CCDC93: variants seen among roughly 807,000 people sequenced by gnomAD.
The protein encoded by CCDC93 is CCC complex scaffolding subunit CCDC93.
CCDC93 carries 61 observed loss-of-function variants against 108.2 expected under a neutral mutation model. The observed-to-expected ratio is 0.56, with a 90% confidence interval of 0.46 to 0.70. The LOEUF (loss-of-function observed/expected upper bound fraction) is 0.70. Ranked by LOEUF, CCDC93 falls within the 30% of genes least tolerant of loss-of-function variation. The pLI is 0.00. For missense variants in CCDC93, 685 were observed against 764.2 expected (o/e 0.90, Z 1.22); for synonymous variants, 276 against 260.4 (o/e 1.06, Z -0.58).
chr2:117,973,598 T>C (rs754632303), intron 11 of CCDC93, among the ~76,000 whole-genome samples: 1 of 152,116 alleles, frequency 6.6e-6, no homozygotes, highest in Non-Finnish European at 1.5e-5. Context: ...ATAAGAGGCC[T>C]GATAGAAAAG....
At chr2:117,935,609 G>A (rs541685156) in intron 21 of CCDC93, 30 bp from the exon 22 acceptor site, 15 of 1,510,356 alleles carry the variant, frequency 9.9e-6, no homozygotes, top group Admixed American at 8.4e-5. Flanking sequence ...AGTTATGACC[G>A]GCACACAGGA....
chr2:117,920,153 C>T lies in CCDC93; in HGVS notation c.*190G>A. ...GGGTGTTATCCAAGCCACGTGTTTA[C>T]TGTCTGACTCCATCAACAGCAGCCA... On this transcript the variant is annotated 3_prime_UTR_variant, in exon 24 of 24. Transcript: ENST00000376300. 2.0e-6 allele frequency: 1 copy of T among 504,506 alleles called. No homozygotes were observed. The highest frequency in any genetic ancestry group is 3.6e-6 in the Non-Finnish European group (1 of 278,324). The allele number at this position is 504,506 out of a possible 1,614,324, so 31.3% of individuals were successfully genotyped here.
chr2:117,947,904 C>A (rs770259145), intron 15 of CCDC93: 28 of 504,974 alleles, frequency 5.5e-5, no homozygotes, highest in Non-Finnish European at 9.3e-5. Flanking sequence ...CAGTGTTAGC[C>A]AGGATGGTCT....
At chr2:117,920,496 C>A in intron 23 of CCDC93, 100 bp from the exon 24 acceptor site, 1 of 713,920 alleles carries the variant, frequency 1.4e-6, no homozygotes, top group Non-Finnish European at 2.3e-6. Context: ...CTATGGGAGA[C>A]ATCTCCTGGC....
At chr2:117,923,736 C>G (rs1171191331) in intron 23 of CCDC93, among the ~76,000 whole-genome samples, 1 of 152,138 alleles carries the variant, frequency 6.6e-6, no homozygotes, top group African/African-American at 2.4e-5. Flanking sequence ...GCAGCAGAAT[C>G]CTCTGCAGAC....
intron 22 of CCDC93, chr2:117,931,470 A>G (rs3066): frequency 0.4 from 106,501 of 266,588 alleles, 22,678 homozygotes; most frequent in East Asian, 0.67. Context: ...GTCTGGAGAC[A>G]GTTTTGATTG....
intron 6 of CCDC93, among the ~76,000 whole-genome samples, chr2:117,993,725 T>C (rs375454204): frequency 9.2e-5 from 14 of 152,224 alleles, no homozygotes; most frequent in African/African-American, 3.4e-4. Context: ...GGAATCTTTG[T>C]TGTGTTTTTG....
At chr2:117,999,304 G>A (rs545278766) in intron 4 of CCDC93, 1 of 152,254 alleles carries the variant, frequency 6.6e-6, no homozygotes, top group African/African-American at 2.4e-5. Flanking sequence ...CATGAATGGT[G>A]GAGTGGAAAA....
intron 15 of CCDC93, 25 bp downstream of exon 15, chr2:117,948,080 T>C (rs1394026531): frequency 1.3e-6 from 2 of 1,573,374 alleles, no homozygotes; most frequent in South Asian, 2.2e-5. Context: ...TCCTGGTTTA[T>C]TTGCTGACAC....
rs768519117 is a variant in CCDC93 at position 117,936,772 on chromosome 2, GAC to G, written c.1606-35_1606-34del. Reference sequence around the variant, plus strand: ...AGTAAAAAAACAAACGAAATTATAAGACAGGCAAAAAGATTTCCACACTACTG... The same window carrying G: ...AGTAAAAAAACAAACGAAATTATAAGAGGCAAAAAGATTTCCACACTACTG... On this transcript the variant is annotated intron_variant, in intron 20 of 23. Coordinates refer to ENST00000376300, the MANE Select transcript of CCDC93 (RefSeq NM_019044.5). 3.1e-6 allele frequency: 5 copies of G among 1,592,440 alleles called. No homozygotes were observed. The African/African-American group carries it at 6.7e-5, about 21-fold the overall frequency.
intron 13 of CCDC93, chr2:117,950,268 G>C (rs977076139): frequency 8.1e-6 from 8 of 985,052 alleles, no homozygotes; most frequent in African/African-American, 1.7e-5. Context: ...TAAAAAAGAT[G>C]TATCAATTCA....
rs529845672 is a variant in CCDC93, at chr2:117,996,192, C to T, written c.462+72G>A. The stretch of plus-strand genomic sequence containing the variant: ...TAGGGGAGCCTGAGCTTACTCTGCT[C>T]CTTGCTAGAGAGTCTCTTAAGTGTG... On this transcript the variant is annotated intron_variant, in intron 5 of 23. Transcript: ENST00000376300. The T allele has an allele frequency of 2.3e-5, 24 of 1,023,812 alleles. No homozygotes were observed. In the East Asian group the frequency reaches 5.3e-4, roughly 23 times the overall value. The allele number at this position is 1,023,812 out of a possible 1,614,324, so 63.4% of individuals were successfully genotyped here. A position where few individuals can be genotyped will look rare whatever the true frequency, so the allele number is the denominator to read the frequency against.
intron 7 of CCDC93, among the ~76,000 whole-genome samples, chr2:117,979,443 G>C (rs565583505): frequency 1.1e-4 from 16 of 152,234 alleles, no homozygotes; most frequent in South Asian, 6.2e-4. Flanking sequence ...ATCCATCCCT[G>C]CATCTGTTCA....
At chr2:117,943,530 C>T (rs77950733) in intron 18 of CCDC93, among the ~76,000 whole-genome samples, 5,510 of 152,320 alleles carry the variant, frequency 0.036, 118 homozygotes, top group Middle Eastern at 0.071. Context: ...CCCGGCCTTT[C>T]CCTCCCAGGG....
chr2:117,982,057 G>GCA (rs1254246433), intron 7 of CCDC93, among the ~76,000 whole-genome samples: 1 of 152,114 alleles, frequency 6.6e-6, no homozygotes, highest in African/African-American at 2.4e-5. Context: ...GACACAAACA[G>GCA]GTTGGGAGAG....
intron 7 of CCDC93, among the ~76,000 whole-genome samples, chr2:117,979,307 C>G (rs1680039466): frequency 6.6e-6 from 1 of 152,170 alleles, no homozygotes; most frequent in Non-Finnish European, 1.5e-5. Flanking sequence ...ACTACCTGAA[C>G]AGAGAGCTCT....
Position 118,013,955 on chromosome 2 carries a change from T to G in CCDC93, c.41A>C (p.Glu14Ala). The change falls in exon 1 of 24, where the codon GAG becomes GCG. Residue 14 changes from glutamate to alanine, a missense_variant and splice_region_variant. Transcript: ENST00000376300. ...CAGGGAAGGAGGAGGCGTTCTTACC[T>G]CCGGGAGACCCTGGCCCTCCGGCCC... is the stretch of plus-strand genomic sequence containing the variant. ...PRGPEGQGLPEVETREDEEQN... is the reference protein window; with the variant it reads ...PRGPEGQGLPAVETREDEEQN... 6.3e-7 allele frequency: 1 copy of G among 1,591,534 alleles called. No homozygotes were observed. Among genetic ancestry groups the G allele is most frequent in the Non-Finnish European group, 8.5e-7 (1 of 1,170,624 alleles).
At chr2:117,944,439 T>A (rs1290847584) in intron 17 of CCDC93, among the ~76,000 whole-genome samples, 4 of 152,114 alleles carry the variant, frequency 2.6e-5, no homozygotes, top group African/African-American at 9.7e-5. Context: ...GAGATGATGC[T>A]AGTTTTCTAT....
intron 23 of CCDC93, among the ~76,000 whole-genome samples, chr2:117,927,032 C>T (rs1040140477): frequency 1.1e-4 from 17 of 152,234 alleles, no homozygotes; most frequent in Admixed American, 9.8e-4. Context: ...ATGATTATCT[C>T]AATAGATGCA....
Sources: allele counts gnomAD v4.1 joint callset (sites outside exome capture counted in the v4.1 genomes callset), GRCh38; gene constraint gnomAD v4.1.1; transcripts MANE v1.5; gene names NCBI Gene and HGNC (gene_info 2026-07-23, HGNC 2026-07-21).